The following TTLL11 variants were observed in gnomAD, a reference collection of about 807,000 sequenced individuals.
TTLL11 encodes the protein tubulin tyrosine ligase like 11.
A neutral mutation model predicts 51.7 loss-of-function variants in TTLL11; 42 were observed. The ratio of observed to expected loss-of-function variants is 0.81; its 90% CI spans 0.64 to 1.05. The LOEUF (loss-of-function observed/expected upper bound fraction) is 1.05. TTLL11 is among the 50% of genes least tolerant of loss of function. The pLI is 0.00. For missense variants in TTLL11, 799 were observed against 940.4 expected (o/e 0.85, Z 1.97); for synonymous variants, 381 against 383.5 (o/e 0.99, Z 0.08).
intron 6 of TTLL11, among the ~76,000 whole-genome samples, chr9:121,955,124 C>T (rs1372070495): frequency 3.3e-5 from 5 of 152,184 alleles, no homozygotes; most frequent in African/African-American, 4.8e-5. Context: ...AGGTGCAAAT[C>T]GAACAAATGT....
chr9:121,988,523 T>G (rs190889133), intron 4 of TTLL11, among the ~76,000 whole-genome samples: 15 of 151,988 alleles, frequency 9.9e-5, no homozygotes, highest in South Asian at 2.1e-4. Flanking sequence ...TTCAGCACAT[T>G]TCCACCTGGA....
chr9:122,079,215 T>C (rs1845938212), intron 1 of TTLL11, among the ~76,000 whole-genome samples: 1 of 152,156 alleles, frequency 6.6e-6, no homozygotes, highest in Admixed American at 6.5e-5. Flanking sequence ...GGTTCCAATT[T>C]CTCCACAACC....
intron 6 of TTLL11, among the ~76,000 whole-genome samples, chr9:121,909,182 T>C (rs1038581306): frequency 6.6e-6 from 1 of 152,144 alleles, no homozygotes; most frequent in Non-Finnish European, 1.5e-5. Flanking sequence ...CATATCTGAG[T>C]GTTGGGAGCC....
intron 1 of TTLL11, among the ~76,000 whole-genome samples, chr9:122,074,737 C>A (rs200341291): frequency 2.3e-3 from 288 of 126,380 alleles, no homozygotes; most frequent in Middle Eastern, 4.8e-3. Flanking sequence ...TTCGTCTCTA[C>A]AAAAAAAAAA....
intron 1 of TTLL11, among the ~76,000 whole-genome samples, chr9:122,079,225 C>T (rs1240830063): frequency 6.6e-6 from 1 of 152,076 alleles, no homozygotes; most frequent in Non-Finnish European, 1.5e-5. Flanking sequence ...TCTCCACAAC[C>T]CTGCCAACAT....
At chr9:121,917,505 G>GGA (rs59318163) in intron 6 of TTLL11, among the ~76,000 whole-genome samples, 3,142 of 142,436 alleles carry the variant, frequency 0.022, 139 homozygotes, top group African/African-American at 0.076. Flanking sequence ...GAAAAGAAAA[G>GGA]AAGGAGAGAG....
At chr9:122,041,169 A>T (rs1247156361) in intron 1 of TTLL11, among the ~76,000 whole-genome samples, 3 of 152,180 alleles carry the variant, frequency 2.0e-5, no homozygotes, top group African/African-American at 4.8e-5. Context: ...TACCATTTTT[A>T]AAAACATGTC....
intron 3 of TTLL11, among the ~76,000 whole-genome samples, chr9:122,012,850 T>G (rs920163708): frequency 2.6e-5 from 4 of 152,214 alleles, no homozygotes; most frequent in Non-Finnish European, 4.4e-5. Flanking sequence ...TTCCACATTT[T>G]CAAAAAGCCA....
intron 7 of TTLL11, among the ~76,000 whole-genome samples, chr9:121,867,815 TTGA>T (rs1252624501): frequency 2.6e-5 from 4 of 152,108 alleles, no homozygotes; most frequent in Non-Finnish European, 2.9e-5. Context: ...AACATTACAT[TTGA>T]TGATGTGTTC....
intron 5 of TTLL11, 128 bp downstream of exon 5, chr9:121,974,756 T>G (rs962117714): frequency 6.7e-6 from 5 of 748,306 alleles, no homozygotes; most frequent in Non-Finnish European, 1.1e-5. Flanking sequence ...CTGAAATTAT[T>G]TGACTTGAAC....
In TTLL11 at chr9:121,822,862, A is replaced by C. The variant is rs771166459; in HGVS notation, c.1858T>G (p.Phe620Val). 28 of 1,550,832 alleles carry C rather than the reference A, an allele frequency of 1.8e-5. No homozygotes were observed. The African/African-American group carries it at 3.3e-4, about 18-fold the overall frequency. ...GCCAGGAAAAAGAAAGCTTCTACGA[A>C]GGCCTGCAGACACATCCCTGTGAAC... is the stretch of plus-strand genomic sequence containing the variant. ...QRDSGMCLQA[F>V]VEAFFFLAQR... Residue 620 changes from phenylalanine (F) to valine (V), a missense_variant, in exon 9 of 9, where the codon TTC becomes GTC. Physicochemically the swap from Phe to Val is conservative, Grantham distance 50 (BLOSUM62 -1). This residue lies in a region of TTLL11 where 165 missense variants were observed against 166.1 expected (regional missense o/e 0.99). Transcript: ENST00000321582. This position sits in a 1 kb window ranked among gnomAD's most constrained non-coding sequence, Gnocchi z 5.8.
At chr9:121,948,144 G>T (rs1366271519) in intron 6 of TTLL11, among the ~76,000 whole-genome samples, 1 of 152,056 alleles carries the variant, frequency 6.6e-6, no homozygotes, top group African/African-American at 2.4e-5. Flanking sequence ...CCTGTGAAGT[G>T]GCTCCAATCA....
chr9:121,944,763 C>T (rs867379834), intron 6 of TTLL11, among the ~76,000 whole-genome samples: 13 of 152,224 alleles, frequency 8.5e-5, no homozygotes, highest in Middle Eastern at 3.4e-3. Flanking sequence ...TCCAGCCTGG[C>T]CCACACTGGC....
intron 6 of TTLL11, among the ~76,000 whole-genome samples, chr9:121,940,901 A>G (rs1024040283): frequency 1.2e-4 from 18 of 152,254 alleles, no homozygotes; most frequent in African/African-American, 4.3e-4. Flanking sequence ...ATTCACCATC[A>G]AACCTAGAAA....
chr9:121,957,997 G>A (rs368312233), intron 6 of TTLL11, among the ~76,000 whole-genome samples: 8 of 152,246 alleles, frequency 5.3e-5, no homozygotes, highest in Admixed American at 2.6e-4. Context: ...AATTAAGTCA[G>A]ATAGCGTATG....
chr9:121,990,757 G>A (rs920649595), intron 3 of TTLL11, among the ~76,000 whole-genome samples: 1 of 152,162 alleles, frequency 6.6e-6, no homozygotes, highest in African/African-American at 2.4e-5. Flanking sequence ...CCTTCCATCT[G>A]TTGAGATCTT....
intron 1 of TTLL11, among the ~76,000 whole-genome samples, chr9:122,086,674 C>G (rs1321337982): frequency 6.6e-6 from 1 of 152,216 alleles, no homozygotes; most frequent in Non-Finnish European, 1.5e-5. Context: ...TTGGAAGGTG[C>G]AGGCACCAAA....
At position 122,092,824 on chromosome 9, in the gene TTLL11, C is replaced by A. The variant is rs1846300022; in HGVS notation, c.325G>T (p.Gly109Cys). Residue 109 changes from glycine to cysteine, a missense_variant, in exon 1 of 9, where the codon GGC (glycine) becomes TGC (cysteine). Physicochemically the swap from Gly to Cys is radical, Grantham distance 159. Transcript: ENST00000321582. The stretch of plus-strand genomic sequence containing the variant: ...CCCGAGCTCCGCTTGCAGCTTCGGC[C>A]CTTGTCCCGGGGCTTCCCGTGCGGG... Reference protein sequence around the residue: ...LCPHGKPRDKGRSCKRSSGHG... With the variant: ...LCPHGKPRDKCRSCKRSSGHG... 1.3e-6 allele frequency: 2 copies of A among 1,556,256 alleles called. No individual in the cohort carries two copies. The highest frequency in any genetic ancestry group is 1.7e-6 in the Non-Finnish European group (2 of 1,158,008).
chr9:122,009,380 C>A (rs1843737504), intron 3 of TTLL11, among the ~76,000 whole-genome samples: 1 of 151,784 alleles, frequency 6.6e-6, no homozygotes, highest in African/African-American at 2.4e-5. Context: ...AATAAAAATA[C>A]AAATTTATTA....
Sources: gnomAD v4.1 joint callset for allele counts (sites outside exome capture counted in the v4.1 genomes callset) on GRCh38, gnomAD v4.1.1 for gene constraint, gnomAD v4.1.1 regional missense constraint, Gnocchi (gnomAD v3.1) non-coding constraint, MANE v1.5 for transcripts, NCBI Gene and HGNC (gene_info 2026-07-23, HGNC 2026-07-21) for gene names.